The following AMD1 variants were observed in gnomAD, a reference collection of about 807,000 sequenced individuals.
The protein encoded by AMD1 is adenosylmethionine decarboxylase 1, also known as S-adenosylmethionine decarboxylase proenzyme.
Under a neutral mutation model 40.2 loss-of-function variants are expected in AMD1, and 11 were observed. That is an observed-to-expected ratio of 0.27 (90% CI 0.17 to 0.45). The LOEUF (loss-of-function observed/expected upper bound fraction) is 0.45. Among genes scored for constraint, AMD1 ranks in the 20% least tolerant of loss-of-function variants. The pLI, the probability that AMD1 is intolerant of heterozygous loss-of-function variation, is 1.00. For synonymous variants in AMD1, 121 were observed against 130.8 expected, an observed-to-expected ratio of 0.93 and a Z score of 0.51; for missense variants, 257 against 410.2, an observed-to-expected ratio of 0.63 and a Z score of 3.23.
the AMD1 span, among the ~76,000 whole-genome samples, chr6:110,821,964 A>C: frequency 6.6e-6 from 1 of 152,240 alleles, no homozygotes; most frequent in Non-Finnish European, 1.5e-5. Context: ...AGAAATAACA[A>C]AGATCAGAGC....
chr6:110,850,021 C>CAAA, the AMD1 span, among the ~76,000 whole-genome samples: 48 of 119,736 alleles, frequency 4.0e-4, no homozygotes, highest in East Asian at 7.6e-3. Flanking sequence ...AAAACACTGT[C>CAAA]AAAAAAAAAA....
In AMD1 at chr6:110,895,147, C is replaced by T. The variant is rs1786236568; in HGVS notation, c.*1531C>T. 6.6e-6 allele frequency: 1 copy of T among 152,148 alleles called. No homozygotes were observed. Among genetic ancestry groups the T allele is most frequent in the Admixed American group, 6.6e-5 (1 of 15,260 alleles). 9.4% of individuals were successfully genotyped at this position (152,148 alleles called of 1,614,324 possible). ...TATTTTGATAATTTCTGGATTGATG[C>T]AGTGATGTTTTTGTTCCTTCCGTAT... On this transcript the variant is annotated 3_prime_UTR_variant, in exon 9 of 9. Coordinates refer to ENST00000368885, the MANE Select transcript of AMD1 (RefSeq NM_001634.6).
Position 110,892,728 on chromosome 6 carries a change from C to CT in AMD1, c.616-7_616-6insT, listed in dbSNP as rs777312678. ...CCTTGTTAAACTCGGTCTTTTTCCCCCCCCAGGAGAGTGGAATTCGTGACC... is the reference window on the plus strand; with the variant it reads ...CCTTGTTAAACTCGGTCTTTTTCCCCTCCCCAGGAGAGTGGAATTCGTGACC... On this transcript the variant is annotated splice_region_variant and splice_polypyrimidine_tract_variant and intron_variant, in intron 6 of 8. Transcript: ENST00000368885. 7 of 1,608,016 alleles carry CT rather than the reference C, an allele frequency of 4.4e-6. 1 individual carries two copies. The South Asian group carries it at 7.7e-5, about 18-fold the overall frequency.
At chr6:110,836,272 T>TA in the AMD1 span, among the ~76,000 whole-genome samples, 8 of 152,002 alleles carry the variant, frequency 5.3e-5, no homozygotes, top group African/African-American at 1.9e-4. Flanking sequence ...TTGGAGGTGT[T>TA]AAAAAAATTT....
chr6:110,844,810 G>A, the AMD1 span, among the ~76,000 whole-genome samples: 3 of 151,530 alleles, frequency 2.0e-5, no homozygotes, highest in Admixed American at 2.0e-4. Flanking sequence ...AAGAAAGAAA[G>A]AAAAAAGAAA....
chr6:110,863,235 A>T, the AMD1 span, among the ~76,000 whole-genome samples: 1 of 149,456 alleles, frequency 6.7e-6, no homozygotes, highest in Non-Finnish European at 1.5e-5. Flanking sequence ...ATGAGCCACC[A>T]CGCCTGGCCC....
At chr6:110,836,115 T>C in the AMD1 span, among the ~76,000 whole-genome samples, 1 of 151,278 alleles carries the variant, frequency 6.6e-6, no homozygotes, top group Admixed American at 6.6e-5. Context: ...AAGATAAACC[T>C]ATATAATCTT....
chr6:110,851,343 C>T, the AMD1 span, among the ~76,000 whole-genome samples: 2 of 152,186 alleles, frequency 1.3e-5, no homozygotes, highest in African/African-American at 2.4e-5. Flanking sequence ...CTCAAGCAAT[C>T]GCCCTGCCTT....
At chr6:110,849,471 A>C in the AMD1 span, among the ~76,000 whole-genome samples, 1 of 152,248 alleles carries the variant, frequency 6.6e-6, no homozygotes, top group Admixed American at 6.5e-5. Flanking sequence ...TTCATTAAAA[A>C]GGGCTAACTT....
the AMD1 span, chr6:110,848,439 T>C: frequency 5.7e-6 from 1 of 174,716 alleles, no homozygotes; most frequent in Non-Finnish European, 1.2e-5. Flanking sequence ...GGAGAATCAG[T>C]TGAACCTAGG....
upstream of AMD1, among the ~76,000 whole-genome samples, chr6:110,872,440 G>A (rs1434252347): frequency 6.6e-6 from 1 of 152,162 alleles, no homozygotes; most frequent in Non-Finnish European, 1.5e-5. Context: ...TATGTGCAAA[G>A]TGCTATAGCC....
At chr6:110,819,760 T>C in the AMD1 span, among the ~76,000 whole-genome samples, 1 of 152,156 alleles carries the variant, frequency 6.6e-6, no homozygotes, top group Non-Finnish European at 1.5e-5. Context: ...TTTAGTCACA[T>C]GGTGAAATAG....
intron 1 of AMD1, among the ~76,000 whole-genome samples, chr6:110,885,972 C>T (rs1211150878): frequency 1.3e-5 from 2 of 152,050 alleles, no homozygotes; most frequent in African/African-American, 2.4e-5. Flanking sequence ...AAAGATTTGC[C>T]GGCTGGGCAC....
the AMD1 span, among the ~76,000 whole-genome samples, chr6:110,852,249 T>A: frequency 1.6e-5 from 2 of 124,604 alleles, no homozygotes; most frequent in African/African-American, 6.1e-5. Flanking sequence ...TGAGAAGGAG[T>A]CTCTCTCTGT....
At chr6:110,858,592 G>C in the AMD1 span, 2 of 1,585,218 alleles carry the variant, frequency 1.3e-6, no homozygotes, top group Non-Finnish European at 1.7e-6. Context: ...GGAACATGAC[G>C]CAGCTGCAGG....
chr6:110,876,856 C>T (rs925598663), intron 1 of AMD1, among the ~76,000 whole-genome samples: 1 of 148,742 alleles, frequency 6.7e-6, no homozygotes, highest in Non-Finnish European at 1.5e-5. Context: ...TCCTAGAAAA[C>T]GAATAACAGA....
At chr6:110,891,681 C>CGCCAA (rs1786023846) in intron 4 of AMD1, 1 of 169,784 alleles carries the variant, frequency 5.9e-6, no homozygotes, top group African/African-American at 2.4e-5. Context: ...TGCAAATACC[C>CGCCAA]GCCAAGTCAG....
At chr6:110,862,721 C>T in the AMD1 span, among the ~76,000 whole-genome samples, 8 of 151,278 alleles carry the variant, frequency 5.3e-5, no homozygotes, top group East Asian at 3.9e-4. Flanking sequence ...CTGCCTGCCT[C>T]GGCCTCCCAA....
the AMD1 span, chr6:110,814,938 C>A: frequency 6.3e-7 from 1 of 1,587,000 alleles, no homozygotes; most frequent in African/African-American, 1.4e-5. Context: ...GGGATCCGAC[C>A]CACCCATCCC....
Sources: allele counts gnomAD v4.1 joint callset (sites outside exome capture counted in the v4.1 genomes callset), GRCh38; gene constraint gnomAD v4.1.1; transcripts MANE v1.5; gene names NCBI Gene and HGNC (gene_info 2026-07-23, HGNC 2026-07-21).